HMGB1: variants seen among roughly 807,000 people sequenced by gnomAD.
The protein encoded by HMGB1 is high mobility group box 1.
For missense variants in HMGB1, 79 were observed against 253.5 expected, an observed-to-expected ratio of 0.31 and a Z score of 4.67; for synonymous variants, 81 against 84.0, an observed-to-expected ratio of 0.96 and a Z score of 0.19.
At chr13:30,491,997 T>C (rs1348711098) in intron 1 of HMGB1, among the ~76,000 whole-genome samples, 3 of 151,636 alleles carry the variant, frequency 2.0e-5, no homozygotes, top group Non-Finnish European at 4.4e-5. Context: ...TGAAACCCCA[T>C]TTCTACTAAA....
chr13:30,557,960 TG>T (rs1869760266), intron 1 of HMGB1, among the ~76,000 whole-genome samples: 1 of 152,246 alleles, frequency 6.6e-6, no homozygotes, highest in African/African-American at 2.4e-5. Context: ...TTCCTGTGCT[TG>T]GCTCCCTCCT....
At chr13:30,557,847 G>C (rs896646481) in intron 1 of HMGB1, among the ~76,000 whole-genome samples, 3 of 152,178 alleles carry the variant, frequency 2.0e-5, no homozygotes, top group Admixed American at 6.5e-5. Context: ...GTTAAGAAGA[G>C]AGCGAGACAG....
intron 1 of HMGB1, among the ~76,000 whole-genome samples, chr13:30,547,261 C>G (rs1869205552): frequency 6.6e-6 from 1 of 152,238 alleles, no homozygotes. Context: ...GAACTTACTA[C>G]AGGTAAGGCA....
Position 30,460,103 on chromosome 13 carries a change from T to C in HMGB1, c.*1254A>G, listed in dbSNP as rs1886215907. 1 of 152,550 alleles carries C rather than the reference T, an allele frequency of 6.6e-6. No individual in the cohort carries two copies. Among genetic ancestry groups the C allele is most frequent in the Non-Finnish European group, 1.5e-5 (1 of 67,998 alleles). 9.4% of individuals were successfully genotyped at this position (152,550 alleles called of 1,614,324 possible). A position where few individuals can be genotyped will look rare whatever the true frequency, so the allele number is the denominator to read the frequency against. On this transcript the variant is annotated 3_prime_UTR_variant, in exon 5 of 5. Coordinates refer to ENST00000341423, the MANE Select transcript of HMGB1 (RefSeq NM_002128.7). The stretch of plus-strand genomic sequence containing the variant: ...CCCTAAACTCCTAAGCAGATAAACA[T>C]GACTAATGAATGAGTTTGTTTTGTA...
At chr13:30,599,206 C>T (rs951304691) in intron 1 of HMGB1, among the ~76,000 whole-genome samples, 13 of 152,312 alleles carry the variant, frequency 8.5e-5, no homozygotes, top group African/African-American at 2.9e-4. Context: ...CAACGGCTCA[C>T]GCCTGTAATC....
At chr13:30,551,152 T>C (rs1198860345) in intron 1 of HMGB1, among the ~76,000 whole-genome samples, 3 of 152,234 alleles carry the variant, frequency 2.0e-5, no homozygotes, top group African/African-American at 7.2e-5. Flanking sequence ...TTTTATCGAA[T>C]ACCTACTATA....
chr13:30,576,743 C>T (rs1029152704), intron 1 of HMGB1, among the ~76,000 whole-genome samples: 3 of 151,894 alleles, frequency 2.0e-5, no homozygotes, highest in African/African-American at 7.3e-5. Flanking sequence ...TAACCTCAAC[C>T]GAACTGCTGT....
At chr13:30,537,757 C>CTAGAGA (rs1868524708) in intron 1 of HMGB1, among the ~76,000 whole-genome samples, 1 of 143,414 alleles carries the variant, frequency 7.0e-6, no homozygotes. Context: ...TCTGGGGATA[C>CTAGAGA]TAGAGATAGG....
chr13:30,616,191 AG>A (rs1210074797), intron 1 of HMGB1, among the ~76,000 whole-genome samples: 5 of 152,180 alleles, frequency 3.3e-5, no homozygotes, highest in African/African-American at 1.2e-4. Flanking sequence ...AAGAGGAAAA[AG>A]CTCTAGAGCG....
chr13:30,501,109 C>T (rs1887725093), intron 1 of HMGB1, among the ~76,000 whole-genome samples: 1 of 152,196 alleles, frequency 6.6e-6, no homozygotes, highest in East Asian at 1.9e-4. Flanking sequence ...ATGTGACCCA[C>T]TGTGTCTGAG....
intron 1 of HMGB1, among the ~76,000 whole-genome samples, chr13:30,498,088 A>G (rs1887652846): frequency 6.6e-6 from 1 of 152,174 alleles, no homozygotes; most frequent in Non-Finnish European, 1.5e-5. Context: ...GTGTGTAAGC[A>G]TCCCCTTCTC....
chr13:30,458,860 G>A lies in HMGB1; in HGVS notation c.*2497C>T, dbSNP rs1044067027. ...AGCAAACATTAACAACACTGTGATG[G>A]GACGATCATCAGAACTGTGGTAACT... On this transcript the variant is annotated 3_prime_UTR_variant, in exon 5 of 5. Coordinates refer to ENST00000341423, the MANE Select transcript of HMGB1 (RefSeq NM_002128.7). 3 of 152,028 alleles carry A rather than the reference G, an allele frequency of 2.0e-5. No individual in the cohort carries two copies. The highest frequency in any genetic ancestry group is 4.8e-5 in the African/African-American group (2 of 41,364). 9.4% of individuals were successfully genotyped at this position (152,028 alleles called of 1,614,324 possible).
At chr13:30,592,151 G>GAAGTA (rs58530737) in intron 1 of HMGB1, among the ~76,000 whole-genome samples, 7,978 of 150,908 alleles carry the variant, frequency 0.053, 541 homozygotes, top group African/African-American at 0.15. Context: ...TGTCAATATA[G>GAAGTA]AATAATATCT....
intron 1 of HMGB1, among the ~76,000 whole-genome samples, chr13:30,472,853 C>CTTTT (rs11434170): frequency 8.3e-5 from 12 of 144,614 alleles, no homozygotes; most frequent in Non-Finnish European, 1.5e-4. Context: ...ATACTGAAAA[C>CTTTT]TTTTTTTTTT....
intron 1 of HMGB1, among the ~76,000 whole-genome samples, chr13:30,601,377 C>G (rs992725659): frequency 6.6e-6 from 1 of 152,186 alleles, no homozygotes; most frequent in Admixed American, 6.5e-5. Flanking sequence ...AGAAACCCTA[C>G]CTGGTTCTGT....
At chr13:30,582,804 C>T (rs965999783) in intron 1 of HMGB1, among the ~76,000 whole-genome samples, 1 of 152,184 alleles carries the variant, frequency 6.6e-6, no homozygotes, top group Non-Finnish European at 1.5e-5. Context: ...TTGACGATTC[C>T]ATTTCCCTTA....
intron 1 of HMGB1, among the ~76,000 whole-genome samples, chr13:30,596,996 A>G (rs1326116774): frequency 6.6e-6 from 1 of 152,194 alleles, no homozygotes; most frequent in African/African-American, 2.4e-5. Context: ...CTGCTCCTAG[A>G]CAGCTGTATG....
chr13:30,469,993 G>T (rs748503186), upstream of HMGB1, among the ~76,000 whole-genome samples: 52 of 151,680 alleles, frequency 3.4e-4, no homozygotes, highest in Non-Finnish European at 6.6e-4. Flanking sequence ...GCCCAGGCTG[G>T]TCTCAAACTC....
chr13:30,495,858 C>G (rs996099604), intron 1 of HMGB1, among the ~76,000 whole-genome samples: 1 of 152,136 alleles, frequency 6.6e-6, no homozygotes, highest in Admixed American at 6.5e-5. Context: ...GGCCTTGAGT[C>G]ATTTCTCAGG....
Sources: gnomAD v4.1 joint callset for allele counts (sites outside exome capture counted in the v4.1 genomes callset) on GRCh38, gnomAD v4.1.1 for gene constraint, MANE v1.5 for transcripts, NCBI Gene and HGNC (gene_info 2026-07-23, HGNC 2026-07-21) for gene names.